Variants in ZNF354B observed in about 807,000 individuals in gnomAD.
ZNF354B encodes zinc finger protein 354B.
ZNF354B carries 10 observed loss-of-function variants against 12.9 expected under a neutral mutation model. The ratio of observed to expected loss-of-function variants is 0.77; its 90% CI spans 0.48 to 1.31. ZNF354B has a LOEUF of 1.31. Among genes scored for constraint, ZNF354B ranks in the 40% most tolerant of loss-of-function variants. ZNF354B has a pLI of 0.00. For synonymous variants in ZNF354B, 260 were observed against 243.7 expected (o/e 1.07, Z -0.62); for missense variants, 614 against 711.7 (o/e 0.86, Z 1.56).
chr5:178,860,113 C>T lies in ZNF354B; in HGVS notation c.-66C>T, dbSNP rs1470328052. 1.3e-5 allele frequency: 2 copies of T among 152,690 alleles called. No individual in the cohort carries two copies. Among genetic ancestry groups the T allele is most frequent in the East Asian group, 1.9e-4 (1 of 5,150 alleles). 9.5% of individuals were successfully genotyped at this position (152,690 alleles called of 1,614,324 possible). ...GGCGGGGAGGCGCGGCCCGGGAACG[C>T]GGGATCCTGGGGAGGTGAGCGGCAT... On this transcript the variant is annotated 5_prime_UTR_variant, in exon 1 of 5. Coordinates refer to ENST00000322434, the MANE Select transcript of ZNF354B (RefSeq NM_058230.3).
rs1581818358 is a variant in ZNF354B, at chr5:178,884,036, G to A, written c.1584G>A (p.Gly528=). 6.2e-7 allele frequency: 1 copy of A among 1,614,116 alleles called. No homozygotes were observed. Among genetic ancestry groups the A allele is most frequent in the Non-Finnish European group, 8.5e-7 (1 of 1,179,990 alleles). The change falls in exon 5 of 5, where the codon GGG becomes GGA. Residue 528 remains glycine (G), a synonymous_variant. Coordinates refer to ENST00000322434, the MANE Select transcript of ZNF354B (RefSeq NM_058230.3). Reference sequence around the variant, plus strand: ...AACCATATCGATGTTTAGAATGTGGGATGTCTTTTGGCCAAAGTGCAGCTC... The same window carrying A: ...AACCATATCGATGTTTAGAATGTGGAATGTCTTTTGGCCAAAGTGCAGCTC... ...GEKPYRCLEC[G]MSFGQSAALI...
At chr5:178,864,967 T>C (rs1289213852) in intron 2 of ZNF354B, among the ~76,000 whole-genome samples, 1 of 152,160 alleles carries the variant, frequency 6.6e-6, no homozygotes, top group Non-Finnish European at 1.5e-5. Flanking sequence ...CAGTGATATA[T>C]AACCTGCTTT....
chr5:178,877,159 GTTC>G (rs1306100621), intron 4 of ZNF354B, among the ~76,000 whole-genome samples: 1 of 151,808 alleles, frequency 6.6e-6, no homozygotes, highest in Non-Finnish European at 1.5e-5. Context: ...GTGTGCAGTT[GTTC>G]TTTGTTTTGT....
Position 178,883,225 on chromosome 5 carries a change from T to C in ZNF354B, c.773T>C (p.Ile258Thr), listed in dbSNP as rs1374155997. 26 of 1,612,580 alleles carry C rather than the reference T, an allele frequency of 1.6e-5. No homozygotes were observed. Among genetic ancestry groups the C allele is most frequent in the Non-Finnish European group, 1.9e-5 (22 of 1,179,716 alleles). The change falls in exon 5 of 5, where the codon ATT becomes ACT. Residue 258 changes from isoleucine to threonine, a missense_variant. Ile to Thr is a moderately conservative substitution (Grantham distance 89). Coordinates refer to ENST00000322434, the MANE Select transcript of ZNF354B (RefSeq NM_058230.3). ...GCTTTCAGCCAAAGTTCTGCTCTTA[T>C]TCAACATCAAAGAACTCATACAGGA... ...LKAFSQSSALIQHQRTHTGEK... is the reference protein window; with the variant it reads ...LKAFSQSSALTQHQRTHTGEK...
At chr5:178,862,698 G>T (rs1393072192) in intron 2 of ZNF354B, among the ~76,000 whole-genome samples, 1 of 152,210 alleles carries the variant, frequency 6.6e-6, no homozygotes, top group Non-Finnish European at 1.5e-5. Context: ...CAAGACAGTG[G>T]AGTGGGAGCT....
intron 4 of ZNF354B, among the ~76,000 whole-genome samples, chr5:178,872,845 G>T (rs1311117628): frequency 6.6e-6 from 1 of 151,924 alleles, no homozygotes; most frequent in Non-Finnish European, 1.5e-5. Context: ...GGAGTACAGC[G>T]GTGCGATCTC....
intron 4 of ZNF354B, among the ~76,000 whole-genome samples, chr5:178,873,225 C>T (rs1448315104): frequency 3.3e-5 from 5 of 152,120 alleles, no homozygotes; most frequent in Admixed American, 2.0e-4. Flanking sequence ...TTCACAAATG[C>T]TTTCTCTTAC....
In ZNF354B at chr5:178,867,063, C is replaced by T; in HGVS notation, c.248C>T (p.Ser83Phe). The change falls in exon 4 of 5, where the codon TCC becomes TTC. Residue 83 changes from serine (S) to phenylalanine (F), a missense_variant. Coordinates refer to ENST00000322434, the MANE Select transcript of ZNF354B (RefSeq NM_058230.3). ...GTGGAGAAAGACAGTTCTGGTGTCT[C>T]CTCTCTAGGTAAGTGGGTGGCCCGA... ...WEVEKDSSGVSSLGCKSTPKM... is the reference protein window; with the variant it reads ...WEVEKDSSGVFSLGCKSTPKM... 6.2e-7 allele frequency: 1 copy of T among 1,612,882 alleles called. No individual in the cohort carries two copies. The highest frequency in any genetic ancestry group is 8.5e-7 in the Non-Finnish European group (1 of 1,179,776).
intron 4 of ZNF354B, among the ~76,000 whole-genome samples, chr5:178,873,239 G>C (rs1757589303): frequency 6.6e-6 from 1 of 152,158 alleles, no homozygotes; most frequent in African/African-American, 2.4e-5. Flanking sequence ...CTCTTACTCT[G>C]TAGTTTGTCT....
At chr5:178,873,392 G>T (rs1206136034) in intron 4 of ZNF354B, among the ~76,000 whole-genome samples, 3 of 152,120 alleles carry the variant, frequency 2.0e-5, no homozygotes, top group Admixed American at 6.6e-5. Context: ...AAGATTTTCT[G>T]CCATGTTCTT....
rs765891729 is a variant in ZNF354B, at chr5:178,865,974, C to T, written c.34-270C>T. ...TAAGTTCTTATGTATTATAAAATTG[C>T]CAACGAAAGATTATTCTAATTAAGG... On this transcript the variant is annotated intron_variant, in intron 2 of 4. Coordinates refer to ENST00000322434, the MANE Select transcript of ZNF354B (RefSeq NM_058230.3). Among the ~76,000 whole-genome samples, 91 of 152,090 alleles carry T rather than the reference C, an allele frequency of 6.0e-4. 1 individual carries two copies. The highest frequency in any genetic ancestry group is 2.2e-4 in the Non-Finnish European group (15 of 68,028).
At position 178,883,042 on chromosome 5, in the gene ZNF354B, A is replaced by C. The variant is rs765695046; in HGVS notation, c.590A>C (p.Gln197Pro). 6.2e-7 allele frequency: 1 copy of C among 1,607,062 alleles called. No homozygotes were observed. Among genetic ancestry groups the C allele is most frequent in the Non-Finnish European group, 8.5e-7 (1 of 1,178,412 alleles). ...KCEIQRNSFK[Q>P]NSNLLNQSKI... is the part of the protein sequence containing the mutation. ...GAAATACAAAGAAATAGTTTCAAGC[A>C]GAATTCAAATTTACTTAACCAATCA... is the stretch of plus-strand genomic sequence containing the variant. The change falls in exon 5 of 5, where the codon CAG becomes CCG. Residue 197 changes from glutamine (Q) to proline (P), a missense_variant. Transcript: ENST00000322434.
rs1437877311 is a variant in ZNF354B at position 178,868,864 on chromosome 5, C to G, written c.256+1793C>G. 1.6e-4 allele frequency among the ~76,000 whole-genome samples: 24 copies of G among 151,132 alleles called. No homozygotes were observed. The East Asian group carries it at 4.7e-3, about 30-fold the overall frequency. Reference sequence around the variant, plus strand: ...GCGGGCGCCTGTAGTCCCAGCTACTCGGGAGACTGAGGCAGGAGAATGGCG... The same window carrying G: ...GCGGGCGCCTGTAGTCCCAGCTACTGGGGAGACTGAGGCAGGAGAATGGCG... On this transcript the variant is annotated intron_variant, in intron 4 of 4. Transcript: ENST00000322434.
intron 4 of ZNF354B, 106 bp from the exon 5 acceptor site, chr5:178,882,592 ATCCTCTTTTAG>A: frequency 9.8e-7 from 1 of 1,019,944 alleles, no homozygotes; most frequent in Non-Finnish European, 1.4e-6. Context: ...TTAGAATTTT[ATCCTCTTTTAG>A]TCATATAGCA....
chr5:178,877,850 A>G (rs2114023483), intron 4 of ZNF354B, among the ~76,000 whole-genome samples: 1 of 152,290 alleles, frequency 6.6e-6, no homozygotes, highest in African/African-American at 2.4e-5. Context: ...CAGAGTTTCA[A>G]AATAGTTGTA....
In ZNF354B at chr5:178,882,753, G is replaced by A; in HGVS notation, c.301G>A (p.Asp101Asn). 1.3e-6 allele frequency: 2 copies of A among 1,574,888 alleles called. No homozygotes were observed. Among genetic ancestry groups the A allele is most frequent in the Non-Finnish European group, 1.7e-6 (2 of 1,169,960 alleles). The change falls in exon 5 of 5, where the codon GAT (aspartate) becomes AAT (asparagine). Residue 101 changes from aspartate to asparagine, a missense_variant. By Grantham distance (23) the Asp-to-Asn change is conservative. Coordinates refer to ENST00000322434, the MANE Select transcript of ZNF354B (RefSeq NM_058230.3). ...AATGACAAAGTCAACTCAAACTCAGGATTCATTTCAGGAGCAGATAAGGAA... is the reference window on the plus strand; with the variant it reads ...AATGACAAAGTCAACTCAAACTCAGAATTCATTTCAGGAGCAGATAAGGAA... ...PKMTKSTQTQ[D>N]SFQEQIRKRL...
intron 4 of ZNF354B, among the ~76,000 whole-genome samples, chr5:178,874,078 T>C (rs1382971174): frequency 2.6e-5 from 4 of 151,958 alleles, no homozygotes; most frequent in Admixed American, 1.3e-4. Flanking sequence ...TGCCTCAGCC[T>C]CCTGAGTAGC....
rs754164532 is a variant in ZNF354B at position 178,884,027 on chromosome 5, A to T, written c.1575A>T (p.Leu525Phe). The T allele has an allele frequency of 6.2e-7, 1 of 1,613,560 alleles. No homozygotes were observed. Among genetic ancestry groups the T allele is most frequent in the Admixed American group, 1.7e-5 (1 of 59,964 alleles). The change falls in exon 5 of 5, where the codon TTA (leucine) becomes TTT (phenylalanine). Residue 525 changes from leucine to phenylalanine, a missense_variant. Transcript: ENST00000322434. Reference sequence around the variant, plus strand: ...CTGGAGAGAAACCATATCGATGTTTAGAATGTGGGATGTCTTTTGGCCAAA... The same window carrying T: ...CTGGAGAGAAACCATATCGATGTTTTGAATGTGGGATGTCTTTTGGCCAAA... Reference protein sequence around the residue: ...IHTGEKPYRCLECGMSFGQSA... With the variant: ...IHTGEKPYRCFECGMSFGQSA...
intron 4 of ZNF354B, among the ~76,000 whole-genome samples, chr5:178,878,787 T>G (rs1379580431): frequency 6.6e-6 from 1 of 150,412 alleles, no homozygotes; most frequent in East Asian, 2.0e-4. Flanking sequence ...ACTGCAACCT[T>G]TGCCTCTTGG....
Sources: allele counts gnomAD v4.1 joint callset (sites outside exome capture counted in the v4.1 genomes callset), GRCh38; gene constraint gnomAD v4.1.1; transcripts MANE v1.5; gene names NCBI Gene and HGNC (gene_info 2026-07-23, HGNC 2026-07-21).